Variants in CDK19 observed in about 807,000 individuals in gnomAD.
The protein encoded by CDK19 is cyclin-dependent kinase 19.
Under a neutral mutation model 68.3 loss-of-function variants are expected in CDK19, and 20 were observed. The ratio of observed to expected loss-of-function variants is 0.29; its 90% CI spans 0.21 to 0.43. The LOEUF is 0.43. CDK19 is among the 20% of genes least tolerant of loss of function. The probability of loss-of-function intolerance (pLI) is 1.00; values close to 1 mark genes in which losing one functional copy is unlikely to be tolerated. For synonymous variants in CDK19, 221 were observed against 222.8 expected, an observed-to-expected ratio of 0.99 and a Z score of 0.07; for missense variants, 339 against 623.5, an observed-to-expected ratio of 0.54 and a Z score of 4.86.
chr6:110,770,101 G>A (rs889282194), intron 1 of CDK19, among the ~76,000 whole-genome samples: 7 of 152,236 alleles, frequency 4.6e-5, no homozygotes, highest in Non-Finnish European at 5.9e-5. Flanking sequence ...ATAGGAGGAA[G>A]TGAAAGAATA....
chr6:110,672,654 A>G (rs756921874), intron 2 of CDK19, among the ~76,000 whole-genome samples: 1 of 152,204 alleles, frequency 6.6e-6, no homozygotes, highest in Non-Finnish European at 1.5e-5. Context: ...ATATGAATAT[A>G]TATTTTATCC....
intron 4 of CDK19, 123 bp downstream of exon 4, chr6:110,667,311 G>T: frequency 5.0e-6 from 3 of 594,120 alleles, no homozygotes; most frequent in Non-Finnish European, 5.6e-6. Context: ...CTTCTTTTTT[G>T]CTTATGTATA....
intron 8 of CDK19, 140 bp downstream of exon 8, chr6:110,626,636 A>G: frequency 1.8e-6 from 1 of 544,430 alleles, no homozygotes; most frequent in East Asian, 2.9e-5. Flanking sequence ...ATGGGATTAC[A>G]AACATGCCAG....
chr6:110,673,870 C>T (rs1203911697), intron 2 of CDK19, among the ~76,000 whole-genome samples: 4 of 152,116 alleles, frequency 2.6e-5, no homozygotes, highest in Non-Finnish European at 4.4e-5. Context: ...GCTGGGATTA[C>T]AAGGTGTAAA....
At chr6:110,635,741 T>C (rs1248456637) in intron 5 of CDK19, among the ~76,000 whole-genome samples, 1 of 152,196 alleles carries the variant, frequency 6.6e-6, no homozygotes, top group East Asian at 1.9e-4. Flanking sequence ...GGTTTCACCA[T>C]GTTGGCCAGA....
rs1309411704 is a variant in CDK19 at position 110,621,219 on chromosome 6, G to A, written c.1262C>T (p.Ala421Val). The change falls in exon 12 of 13, where the codon GCA (alanine) becomes GTA (valine). Residue 421 changes from alanine to valine, a missense_variant. This residue lies in a region of CDK19 where 155 missense variants were observed against 222.7 expected (regional missense o/e 0.70). Coordinates refer to ENST00000368911, the MANE Select transcript of CDK19 (RefSeq NM_015076.5). The surrounding 1 kb of genome is among the most constrained non-coding windows in gnomAD (Gnocchi z 5.4). Reference sequence around the variant, plus strand: ...GGAGTCCTGGCTGTGCTGCAACCCTGCTCCGGTGCCCCCGACCCCGGCCCC... The same window carrying A: ...GGAGTCCTGGCTGTGCTGCAACCCTACTCCGGTGCCCCCGACCCCGGCCCC... The part of the protein sequence containing the change: ...GAGAGVGGTG[A>V]GLQHSQDSSL... The A allele has an allele frequency of 1.2e-6, 2 of 1,613,484 alleles. No individual in the cohort carries two copies. The highest frequency in any genetic ancestry group is 1.7e-6 in the Non-Finnish European group (2 of 1,180,022).
At chr6:110,811,414 C>A (rs1263585456) in intron 1 of CDK19, among the ~76,000 whole-genome samples, 1 of 152,096 alleles carries the variant, frequency 6.6e-6, no homozygotes, top group Non-Finnish European at 1.5e-5. Context: ...GCACCACGCT[C>A]GGCTAATTTT....
At chr6:110,800,055 T>C (rs1782240629) in intron 1 of CDK19, among the ~76,000 whole-genome samples, 1 of 152,212 alleles carries the variant, frequency 6.6e-6, no homozygotes, top group Admixed American at 6.5e-5. Flanking sequence ...CATAGTATTT[T>C]AATGCTGTTG....
chr6:110,781,953 G>A (rs557038231), intron 1 of CDK19, among the ~76,000 whole-genome samples: 2 of 151,648 alleles, frequency 1.3e-5, no homozygotes, highest in South Asian at 4.2e-4. Flanking sequence ...CAATTCCCCA[G>A]AATAAAATTG....
intron 2 of CDK19, among the ~76,000 whole-genome samples, chr6:110,686,236 A>T (rs1232106284): frequency 2.6e-5 from 4 of 152,206 alleles, no homozygotes; most frequent in Non-Finnish European, 5.9e-5. Context: ...ATTAAGGAAA[A>T]ATACAGAGTG....
chr6:110,728,191 G>A (rs1776475471), intron 2 of CDK19, among the ~76,000 whole-genome samples: 1 of 151,732 alleles, frequency 6.6e-6, no homozygotes, highest in Non-Finnish European at 1.5e-5. Context: ...AGGAGGCTAA[G>A]GCAGCAGAAT....
chr6:110,766,486 G>A (rs909469808), intron 1 of CDK19, among the ~76,000 whole-genome samples: 10 of 152,092 alleles, frequency 6.6e-5, no homozygotes, highest in Admixed American at 6.6e-5. Context: ...GCTGAGGCAG[G>A]AGAATCCTTT....
At chr6:110,623,831 CATAT>C (rs938911652) in intron 8 of CDK19, among the ~76,000 whole-genome samples, 8 of 145,966 alleles carry the variant, frequency 5.5e-5, no homozygotes, top group African/African-American at 1.8e-4. Context: ...TACATATACA[CATAT>C]ATATACACAT....
chr6:110,741,843 G>C (rs1777698241), intron 2 of CDK19, among the ~76,000 whole-genome samples: 1 of 152,116 alleles, frequency 6.6e-6, no homozygotes, highest in African/African-American at 2.4e-5. Flanking sequence ...AGCTGGGTAA[G>C]ACAGAAAAAG....
intron 4 of CDK19, chr6:110,646,654 C>A (rs1419259316): frequency 1.9e-6 from 1 of 519,348 alleles, no homozygotes; most frequent in Non-Finnish European, 3.3e-6. Context: ...ACTCCCTTTT[C>A]CCTTTGGCTT....
chr6:110,631,776 T>C (rs1181028102), intron 6 of CDK19, among the ~76,000 whole-genome samples: 1 of 152,226 alleles, frequency 6.6e-6, no homozygotes, highest in Non-Finnish European at 1.5e-5. Context: ...CATGTTATTG[T>C]TTCCATAGCA....
chr6:110,644,590 C>T (rs1780427178), intron 4 of CDK19, among the ~76,000 whole-genome samples: 1 of 152,160 alleles, frequency 6.6e-6, no homozygotes, highest in African/African-American at 2.4e-5. Flanking sequence ...GTGATTATTA[C>T]ACATTGCATG....
chr6:110,735,325 T>G (rs758992683), intron 2 of CDK19, among the ~76,000 whole-genome samples: 2 of 152,152 alleles, frequency 1.3e-5, no homozygotes, highest in Non-Finnish European at 2.9e-5. Context: ...AAAAAAAACT[T>G]TATCAAAACA....
intron 2 of CDK19, chr6:110,722,293 A>G (rs1395574602): frequency 1.3e-5 from 2 of 152,004 alleles, no homozygotes; most frequent in Non-Finnish European, 2.9e-5. Context: ...ATCTTTGCAC[A>G]GGGGCCATGC....
Sources: allele counts gnomAD v4.1 joint callset (sites outside exome capture counted in the v4.1 genomes callset), GRCh38; gene constraint gnomAD v4.1.1; regional missense constraint gnomAD v4.1.1; non-coding constraint Gnocchi (gnomAD v3.1); transcripts MANE v1.5; gene names NCBI Gene and HGNC (gene_info 2026-07-23, HGNC 2026-07-21).